Variants in RGS6 observed in about 807,000 individuals in gnomAD.
RGS6 encodes regulator of G-protein signaling 6.
RGS6 carries 30 observed loss-of-function variants against 78.5 expected under a neutral mutation model. The observed-to-expected ratio is 0.38, with a 90% CI of 0.29 to 0.52. RGS6 has a LOEUF of 0.52. RGS6 is among the 20% of genes least tolerant of loss of function. The pLI is 0.85. For synonymous variants in RGS6, 206 were observed against 206.0 expected, an observed-to-expected ratio of 1.00 and a Z score of 0.00; for missense variants, 495 against 609.7, an observed-to-expected ratio of 0.81 and a Z score of 1.98.
intron 2 of RGS6, among the ~76,000 whole-genome samples, chr14:72,044,868 G>A (rs745858598): frequency 7.6e-5 from 5 of 65,726 alleles, no homozygotes; most frequent in Admixed American, 7.5e-4. Flanking sequence ...GTAAGACTCC[G>A]TCTCAAAAAA....
chr14:72,108,020 A>T (rs937014455), intron 2 of RGS6, among the ~76,000 whole-genome samples: 51 of 152,202 alleles, frequency 3.4e-4, no homozygotes, highest in Admixed American at 3.2e-3. Flanking sequence ...CCCCCATTTA[A>T]TGTTCTTAGT....
chr14:72,599,748 C>A, the RGS6 span, among the ~76,000 whole-genome samples: 72 of 152,058 alleles, frequency 4.7e-4, no homozygotes, highest in Non-Finnish European at 5.6e-4. Context: ...CAAAACCAGT[C>A]ACAGCCCCTG....
intron 2 of RGS6, among the ~76,000 whole-genome samples, chr14:72,257,992 G>A (rs951579364): frequency 6.6e-6 from 1 of 152,240 alleles, no homozygotes; most frequent in Non-Finnish European, 1.5e-5. Flanking sequence ...GGAACATTGT[G>A]TGTTCTTATG....
intron 2 of RGS6, among the ~76,000 whole-genome samples, chr14:72,134,001 C>G (rs1477178786): frequency 2.6e-5 from 4 of 152,208 alleles, no homozygotes; most frequent in Non-Finnish European, 4.4e-5. Flanking sequence ...CAACACAGAA[C>G]TCTAGGCAAC....
intron 1 of RGS6, among the ~76,000 whole-genome samples, chr14:71,939,159 C>A (rs2090079426): frequency 6.6e-6 from 1 of 152,162 alleles, no homozygotes; most frequent in African/African-American, 2.4e-5. Flanking sequence ...GTGTTGCCTC[C>A]AAAATCCAAA....
intron 3 of RGS6, among the ~76,000 whole-genome samples, chr14:72,353,909 G>C (rs1268628062): frequency 1.3e-5 from 2 of 151,842 alleles, no homozygotes; most frequent in Non-Finnish European, 2.9e-5. Context: ...ACTTGAACCT[G>C]GGAGGTAGAG....
the RGS6 span, among the ~76,000 whole-genome samples, chr14:71,915,918 A>G: frequency 6.6e-6 from 1 of 152,210 alleles, no homozygotes; most frequent in African/African-American, 2.4e-5. Flanking sequence ...GCTCACACGC[A>G]GAGGACAGAC....
chr14:72,287,412 G>A (rs898592597), intron 2 of RGS6, among the ~76,000 whole-genome samples: 10 of 152,014 alleles, frequency 6.6e-5, no homozygotes, highest in African/African-American at 2.4e-4. Flanking sequence ...TTTATTTTTC[G>A]TTAGTATAAT....
rs1165014509 is a variant in RGS6, at chr14:72,061,142, A to C, written c.84+96267A>C. 2.0e-5 allele frequency among the ~76,000 whole-genome samples: 3 copies of C among 152,354 alleles called. No individual in the cohort carries two copies. The East Asian group carries it at 5.8e-4, about 29-fold the overall frequency. ...CAAAGTGTTGCAAGCTTTAAGAGCC[A>C]GTGCATGATTCATCATGTTCCCATC... On this transcript the variant is annotated intron_variant, in intron 2 of 17. Transcript: ENST00000553525.
intron 3 of RGS6, among the ~76,000 whole-genome samples, chr14:72,369,404 A>C (rs1273519653): frequency 6.6e-6 from 1 of 152,212 alleles, no homozygotes; most frequent in African/African-American, 2.4e-5. Flanking sequence ...CCAACTGTGG[A>C]CTTCTGGCCT....
chr14:72,392,373 C>G (rs2090204704), intron 3 of RGS6, among the ~76,000 whole-genome samples: 1 of 152,004 alleles, frequency 6.6e-6, no homozygotes, highest in Non-Finnish European at 1.5e-5. Context: ...GGCTGGGACC[C>G]ACAGGCACAC....
intron 3 of RGS6, among the ~76,000 whole-genome samples, chr14:72,358,359 G>C (rs570880474): frequency 5.9e-5 from 9 of 152,326 alleles, no homozygotes; most frequent in African/African-American, 1.9e-4. Context: ...TCCACCCCCA[G>C]CTTGCACTGT....
intron 15 of RGS6, among the ~76,000 whole-genome samples, chr14:72,534,513 A>C (rs561340531): frequency 6.6e-6 from 1 of 152,246 alleles, no homozygotes; most frequent in Non-Finnish European, 1.5e-5. Flanking sequence ...TCATGTTATC[A>C]CAAATGACAG....
chr14:72,453,530 G>C (rs201453822), intron 3 of RGS6, among the ~76,000 whole-genome samples: 1 of 145,298 alleles, frequency 6.9e-6, no homozygotes, highest in East Asian at 2.0e-4. Context: ...GCAGGAGAAT[G>C]GCGTGAACCC....
chr14:72,242,962 C>A (rs2053299148), intron 2 of RGS6, among the ~76,000 whole-genome samples: 1 of 149,840 alleles, frequency 6.7e-6, no homozygotes, highest in Non-Finnish European at 1.5e-5. Context: ...AGTTCTCCTG[C>A]CTCAGCTTCC....
chr14:72,459,041 A>G (rs960634464), intron 5 of RGS6, among the ~76,000 whole-genome samples: 4 of 152,232 alleles, frequency 2.6e-5, no homozygotes, highest in South Asian at 2.1e-4. Context: ...TCAAAGAATT[A>G]AAGTGTCATT....
chr14:72,043,758 A>G (rs1457819335), intron 2 of RGS6, among the ~76,000 whole-genome samples: 2 of 152,126 alleles, frequency 1.3e-5, no homozygotes, highest in African/African-American at 4.8e-5. Context: ...CTAGATTGGT[A>G]TTTTGGTGTC....
At position 72,560,303 on chromosome 14, in the gene RGS6, C is replaced by G. The variant is rs1172394472; in HGVS notation, c.1423-2114C>G. Reference sequence around the variant, plus strand: ...GGCACCTAAAAGGAGAGCAAACTTCCTTTGTGCCTTTCATAGGACAGGGAT... The same window carrying G: ...GGCACCTAAAAGGAGAGCAAACTTCGTTTGTGCCTTTCATAGGACAGGGAT... On this transcript the variant is annotated intron_variant, in intron 17 of 17. Coordinates refer to ENST00000553525, the MANE Select transcript of RGS6 (RefSeq NM_001204424.2). Among the ~76,000 whole-genome samples the G allele has an allele frequency of 2.6e-5, 4 of 152,170 alleles. No individual in the cohort carries two copies. In the East Asian group the frequency reaches 7.7e-4, roughly 29 times the overall value.
Position 72,399,627 on chromosome 14 carries a change from A to G in RGS6, c.184+47433A>G, listed in dbSNP as rs1340194159. Among the ~76,000 whole-genome samples the G allele has an allele frequency of 9.2e-5, 14 of 152,280 alleles. No homozygotes were observed. The Middle Eastern group carries it at 0.014, about 148-fold the overall frequency. On this transcript the variant is annotated intron_variant, in intron 3 of 17. Transcript: ENST00000553525. Reference sequence around the variant, plus strand: ...GTTGATGCAGTTTCTTCCTAGCATCAATGGTCTTTACAATTTGGCATGTTT... The same window carrying G: ...GTTGATGCAGTTTCTTCCTAGCATCGATGGTCTTTACAATTTGGCATGTTT...
Sources: gnomAD v4.1 joint callset for allele counts (sites outside exome capture counted in the v4.1 genomes callset) on GRCh38, gnomAD v4.1.1 for gene constraint, MANE v1.5 for transcripts, NCBI Gene and HGNC (gene_info 2026-07-23, HGNC 2026-07-21) for gene names.